The following ZFAND3 variants were observed in gnomAD, a reference collection of about 807,000 sequenced individuals.
ZFAND3 encodes the protein zinc finger AN1-type containing 3.
ZFAND3 carries 10 observed loss-of-function variants against 29.6 expected under a neutral mutation model. The ratio of observed to expected loss-of-function variants is 0.34; its 90% CI spans 0.21 to 0.57. The LOEUF (loss-of-function observed/expected upper bound fraction) is 0.57. Among genes scored for constraint, ZFAND3 ranks in the 20% least tolerant of loss-of-function variants. The pLI, the probability that ZFAND3 is intolerant of heterozygous loss-of-function variation, is 0.86. For synonymous variants in ZFAND3, 128 were observed against 112.6 expected (o/e 1.14, Z -0.87); for missense variants, 230 against 304.5 (o/e 0.76, Z 1.82).
intron 2 of ZFAND3, among the ~76,000 whole-genome samples, chr6:38,042,704 C>G (rs2645135): frequency 0.95 from 145,099 of 152,316 alleles, 69,433 homozygotes; most frequent in East Asian, 1. Context: ...GTAAGAAAAA[C>G]AAGAGTATCT....
At chr6:37,954,924 C>T (rs1431425188) in intron 2 of ZFAND3, among the ~76,000 whole-genome samples, 3 of 152,192 alleles carry the variant, frequency 2.0e-5, no homozygotes, top group African/African-American at 7.2e-5. Flanking sequence ...AGGCACATTC[C>T]CTGGCCTTGT....
intron 1 of ZFAND3, among the ~76,000 whole-genome samples, chr6:37,904,425 A>G (rs528971244): frequency 1.2e-4 from 19 of 152,300 alleles, no homozygotes; most frequent in South Asian, 6.2e-4. Flanking sequence ...AAGCAAATCA[A>G]TGTTTTCTTA....
Position 38,154,616 on chromosome 6 carries a change from C to T in ZFAND3, c.*2227C>T, listed in dbSNP as rs746801426. On this transcript the variant is annotated 3_prime_UTR_variant, in exon 6 of 6. Transcript: ENST00000287218. ...TGCTGAAAAAAAAAATTAAACCAATCGTATGAAAGTTTGGTTTTCTTGTTT... is the reference window on the plus strand; with the variant it reads ...TGCTGAAAAAAAAAATTAAACCAATTGTATGAAAGTTTGGTTTTCTTGTTT... 8.7e-5 allele frequency: 83 copies of T among 949,678 alleles called. No homozygotes were observed. Among genetic ancestry groups the T allele is most frequent in the East Asian group, 1.2e-4 (1 of 8,610 alleles). 58.8% of individuals were successfully genotyped at this position (949,678 alleles called of 1,614,324 possible).
At position 37,945,670 on chromosome 6, in the gene ZFAND3, C is replaced by T. The variant is rs112600136; in HGVS notation, c.112+15671C>T. Among the ~76,000 whole-genome samples the T allele has an allele frequency of 6.6e-4, 100 of 152,254 alleles. 1 individual carries two copies. The highest frequency in any genetic ancestry group is 3.9e-3 in the East Asian group (20 of 5,180). On this transcript the variant is annotated intron_variant, in intron 2 of 5. Coordinates refer to ENST00000287218, the MANE Select transcript of ZFAND3 (RefSeq NM_021943.3). ...GATTATAGGTGTGAGCCATGGCACC[C>T]GGCCGACATAGTCTTATTTTAGTTA...
intron 4 of ZFAND3, among the ~76,000 whole-genome samples, chr6:38,111,527 C>T (rs1030554605): frequency 1.3e-5 from 2 of 152,192 alleles, no homozygotes; most frequent in African/African-American, 2.4e-5. Context: ...ACCAGCCCCC[C>T]ACTCCTCCTT....
At chr6:38,036,441 C>T (rs141500959) in intron 2 of ZFAND3, among the ~76,000 whole-genome samples, 29 of 152,234 alleles carry the variant, frequency 1.9e-4, no homozygotes, top group African/African-American at 7.0e-4. Flanking sequence ...GTTGTATTAT[C>T]TAAAATGTCC....
intron 2 of ZFAND3, among the ~76,000 whole-genome samples, chr6:37,999,249 TATAAA>T (rs1198353542): frequency 6.6e-6 from 1 of 152,156 alleles, no homozygotes; most frequent in East Asian, 1.9e-4. Flanking sequence ...TAACCCGAAA[TATAAA>T]ATAAATATCC....
chr6:37,867,188 G>A (rs1764604988), intron 1 of ZFAND3, among the ~76,000 whole-genome samples: 1 of 152,182 alleles, frequency 6.6e-6, no homozygotes, highest in South Asian at 2.1e-4. Context: ...GGATTTCCCT[G>A]TGTGCTTTAA....
chr6:37,893,895 G>T (rs1189782704), intron 1 of ZFAND3, among the ~76,000 whole-genome samples: 1 of 151,870 alleles, frequency 6.6e-6, no homozygotes, highest in Admixed American at 6.6e-5. Context: ...TGTTATTGTT[G>T]TCATGCACTT....
intron 1 of ZFAND3, among the ~76,000 whole-genome samples, chr6:37,883,085 T>G (rs1053188546): frequency 7.2e-5 from 11 of 152,250 alleles, no homozygotes; most frequent in Admixed American, 3.3e-4. Context: ...TAGCTCGGTA[T>G]AGAGTTGTGC....
chr6:37,853,414 A>G (rs79820099), intron 1 of ZFAND3, among the ~76,000 whole-genome samples: 47 of 142,736 alleles, frequency 3.3e-4, no homozygotes, highest in Middle Eastern at 7.0e-3. Flanking sequence ...AGCCTCAAGA[A>G]AAAAAAAAAA....
At chr6:37,945,254 T>C (rs1761880967) in intron 2 of ZFAND3, among the ~76,000 whole-genome samples, 1 of 152,246 alleles carries the variant, frequency 6.6e-6, no homozygotes, top group Non-Finnish European at 1.5e-5. Flanking sequence ...GTGAAACTGC[T>C]GCCTGGAATT....
At chr6:37,955,849 A>G (rs1043970840) in intron 2 of ZFAND3, among the ~76,000 whole-genome samples, 9 of 152,246 alleles carry the variant, frequency 5.9e-5, no homozygotes, top group Non-Finnish European at 1.0e-4. Flanking sequence ...TTGGGATAAA[A>G]GAATCCATGG....
chr6:37,829,845 TAAATG>T (rs1384890682), intron 1 of ZFAND3, among the ~76,000 whole-genome samples: 2 of 152,196 alleles, frequency 1.3e-5, no homozygotes, highest in South Asian at 2.1e-4. Context: ...TGCTTTGACT[TAAATG>T]AAAAAGTCTT....
chr6:37,944,632 G>A (rs1280037189), intron 2 of ZFAND3, among the ~76,000 whole-genome samples: 1 of 152,226 alleles, frequency 6.6e-6, no homozygotes, highest in African/African-American at 2.4e-5. Context: ...TTGACCTACA[G>A]CGTATATCAC....
At chr6:37,995,197 TTTC>T (rs1441257409) in intron 2 of ZFAND3, among the ~76,000 whole-genome samples, 3 of 152,226 alleles carry the variant, frequency 2.0e-5, no homozygotes, top group African/African-American at 7.2e-5. Context: ...CCCATGTTTT[TTTC>T]TTCTTCTTTT....
chr6:38,080,400 A>G (rs758749381), intron 3 of ZFAND3, among the ~76,000 whole-genome samples: 3 of 152,074 alleles, frequency 2.0e-5, no homozygotes, highest in Non-Finnish European at 2.9e-5. Context: ...TTCACTGTCT[A>G]TGTAGCAATG....
At chr6:38,133,912 C>T (rs1033826644) in intron 5 of ZFAND3, among the ~76,000 whole-genome samples, 5 of 152,156 alleles carry the variant, frequency 3.3e-5, no homozygotes, top group Non-Finnish European at 7.3e-5. Context: ...CAAGCTGGCC[C>T]ATGGGGTCCC....
chr6:37,841,453 A>G (rs1216567666), intron 1 of ZFAND3, among the ~76,000 whole-genome samples: 2 of 152,152 alleles, frequency 1.3e-5, no homozygotes, highest in East Asian at 1.9e-4. Context: ...ATCATTAACT[A>G]GAGTTTAACA....
Sources: allele counts gnomAD v4.1 joint callset (sites outside exome capture counted in the v4.1 genomes callset), GRCh38; gene constraint gnomAD v4.1.1; transcripts MANE v1.5; gene names NCBI Gene and HGNC (gene_info 2026-07-23, HGNC 2026-07-21).